The following MBD5 variants were observed in gnomAD, a reference collection of about 807,000 sequenced individuals.
MBD5 encodes methyl-CpG binding domain protein 5.
In MBD5, 13 loss-of-function variants were observed where a neutral mutation model predicts 117.3. The ratio of observed to expected loss-of-function variants is 0.11; its 90% confidence interval spans 0.07 to 0.18. The LOEUF is 0.18. MBD5 is among the 10% of genes least tolerant of loss of function. The pLI is 1.00. For synonymous variants in MBD5, 727 were observed against 766.4 expected (o/e 0.95, Z 0.85); for missense variants, 1,879 against 2,093.8 (o/e 0.90, Z 2.00).
At chr2:148,149,856 G>A (rs1421999864) in intron 1 of MBD5, among the ~76,000 whole-genome samples, 1 of 149,698 alleles carries the variant, frequency 6.7e-6, no homozygotes, top group Non-Finnish European at 1.5e-5. Flanking sequence ...TGTCAGATGA[G>A]TAGGTTGCGA....
In MBD5 at chr2:148,402,428, TTA is replaced by T. The variant is rs573077471; in HGVS notation, c.-556-55773_-556-55772del. Among the ~76,000 whole-genome samples the T allele has an allele frequency of 1.1e-3, 160 of 152,296 alleles. 4 individuals carry two copies. In the South Asian group the frequency reaches 0.027, roughly 26 times the overall value. The stretch of plus-strand genomic sequence containing the variant: ...CAGCACATATTTAAAGAGTGCATTT[TTA>T]TGTTTTCACACACGTAAAACACTGC... On this transcript the variant is annotated intron_variant, in intron 4 of 13. Coordinates refer to ENST00000642680, the MANE Select transcript of MBD5 (RefSeq NM_001378120.1).
chr2:148,439,955 T>G (rs1706270571), intron 4 of MBD5, among the ~76,000 whole-genome samples: 2 of 152,092 alleles, frequency 1.3e-5, no homozygotes. Flanking sequence ...GCCAGGCTGG[T>G]CTCAAGCTCC....
chr2:148,055,932 G>C (rs908355747), intron 1 of MBD5: 1 of 152,110 alleles, frequency 6.6e-6, no homozygotes, highest in Non-Finnish European at 1.5e-5. Flanking sequence ...ATAGTACTCT[G>C]TTAGAAATTT....
At chr2:148,393,502 G>A (rs1377877508) in intron 4 of MBD5, 1 of 152,162 alleles carries the variant, frequency 6.6e-6, no homozygotes, top group Non-Finnish European at 1.5e-5. Context: ...TTAGCAGGGA[G>A]TTGATGTTGA....
chr2:148,059,947 G>A (rs1048651808), intron 1 of MBD5, among the ~76,000 whole-genome samples: 1 of 151,284 alleles, frequency 6.6e-6, no homozygotes, highest in Non-Finnish European at 1.5e-5. Context: ...GTGAGATTCT[G>A]TTGGGTGTTT....
intron 1 of MBD5, among the ~76,000 whole-genome samples, chr2:148,141,605 G>A (rs1328809067): frequency 2.0e-5 from 3 of 152,128 alleles, no homozygotes; most frequent in East Asian, 3.9e-4. Flanking sequence ...CACAGGCAGA[G>A]CTTTGAAATA....
At chr2:148,058,880 T>C (rs1260689559) in intron 1 of MBD5, among the ~76,000 whole-genome samples, 1 of 152,164 alleles carries the variant, frequency 6.6e-6, no homozygotes, top group African/African-American at 2.4e-5. Context: ...CAGAAGAACA[T>C]AGTGGCCTTA....
rs1350647756 is a variant in MBD5 at position 148,145,648 on chromosome 2, T to A, written c.-924-33052T>A. On this transcript the variant is annotated intron_variant, in intron 1 of 13. Coordinates refer to ENST00000642680, the MANE Select transcript of MBD5 (RefSeq NM_001378120.1). ...ATCAATACCTAGTTTATTGAGAGTT[T>A]TTAGCATGAAGGGGTGTTGAATTTT... 4.6e-5 allele frequency among the ~76,000 whole-genome samples: 7 copies of A among 152,210 alleles called. No homozygotes were observed. The East Asian group carries it at 1.2e-3, about 25-fold the overall frequency.
intron 3 of MBD5, among the ~76,000 whole-genome samples, chr2:148,326,560 T>G (rs1702458044): frequency 6.6e-6 from 1 of 152,228 alleles, no homozygotes; most frequent in African/African-American, 2.4e-5. Flanking sequence ...TTAGCTTTTC[T>G]TGGTGAATTG....
At chr2:148,083,700 T>A (rs1374678964) in intron 1 of MBD5, among the ~76,000 whole-genome samples, 1 of 152,186 alleles carries the variant, frequency 6.6e-6, no homozygotes, top group African/African-American at 2.4e-5. Flanking sequence ...CGATCTTGGC[T>A]CACTGCAACC....
At chr2:148,162,722 A>C (rs1698038146) in intron 1 of MBD5, among the ~76,000 whole-genome samples, 1 of 152,082 alleles carries the variant, frequency 6.6e-6, no homozygotes, top group Non-Finnish European at 1.5e-5. Context: ...GGAAAAATAC[A>C]TTCTAACAAA....
chr2:148,427,806 A>T (rs72620204), intron 4 of MBD5, among the ~76,000 whole-genome samples: 7,268 of 151,986 alleles, frequency 0.048, 308 homozygotes, highest in Admixed American at 0.096. Flanking sequence ...AAAAAAGAAT[A>T]AAAAAATGAA....
intron 7 of MBD5, among the ~76,000 whole-genome samples, chr2:148,467,409 C>G (rs2105613391): frequency 6.6e-6 from 1 of 152,158 alleles, no homozygotes; most frequent in South Asian, 2.1e-4. Flanking sequence ...GAAATGCACT[C>G]ATGTAAAAAG....
chr2:148,142,705 G>A (rs1044751332), intron 1 of MBD5, among the ~76,000 whole-genome samples: 7 of 152,080 alleles, frequency 4.6e-5, no homozygotes, highest in Admixed American at 2.6e-4. Flanking sequence ...AACTAAGAGC[G>A]AAACCAAGTC....
At chr2:148,400,261 G>GAAA (rs1167177972) in intron 4 of MBD5, among the ~76,000 whole-genome samples, 6 of 151,608 alleles carry the variant, frequency 4.0e-5, no homozygotes, top group African/African-American at 1.5e-4. Flanking sequence ...GTATTCCCCA[G>GAAA]AAAGAATCCT....
intron 1 of MBD5, among the ~76,000 whole-genome samples, chr2:148,043,009 A>G (rs1012011786): frequency 1.3e-5 from 2 of 152,062 alleles, no homozygotes; most frequent in African/African-American, 4.8e-5. Context: ...GGGCTTGTTT[A>G]TGTATTTCAG....
chr2:148,062,564 C>T (rs561203959), intron 1 of MBD5: 4 of 151,964 alleles, frequency 2.6e-5, no homozygotes, highest in African/African-American at 9.6e-5. Flanking sequence ...TTCAAGTAAA[C>T]AATGTTTTCT....
At chr2:148,196,861 G>T (rs1699002459) in intron 2 of MBD5, among the ~76,000 whole-genome samples, 1 of 152,028 alleles carries the variant, frequency 6.6e-6, no homozygotes, top group South Asian at 2.1e-4. Context: ...GTGTGTGTGT[G>T]TGTGTGTATA....
At chr2:148,480,121 G>A (rs887690528) in intron 8 of MBD5, among the ~76,000 whole-genome samples, 13 of 151,742 alleles carry the variant, frequency 8.6e-5, no homozygotes, top group South Asian at 2.1e-4. Flanking sequence ...TAGATTTGTT[G>A]AAAATTAAAG....
Sources: gnomAD v4.1 joint callset for allele counts (sites outside exome capture counted in the v4.1 genomes callset) on GRCh38, gnomAD v4.1.1 for gene constraint, MANE v1.5 for transcripts, NCBI Gene and HGNC (gene_info 2026-07-23, HGNC 2026-07-21) for gene names.